The following ZNF791 variants were observed in gnomAD, a reference collection of about 807,000 sequenced individuals.
ZNF791 encodes the protein zinc finger protein 791.
A neutral mutation model predicts 11.5 loss-of-function variants in ZNF791; 4 were observed. That is an observed-to-expected ratio of 0.35 (90% CI 0.17 to 0.80). ZNF791 has a LOEUF of 0.80. Ranked by LOEUF, ZNF791 falls within the 30% of genes least tolerant of loss-of-function variation. The probability of loss-of-function intolerance (pLI) is 0.53; values close to 1 mark genes in which losing one functional copy is unlikely to be tolerated. For synonymous variants in ZNF791, 212 were observed against 228.1 expected (o/e 0.93, Z 0.64); for missense variants, 559 against 699.4 (o/e 0.80, Z 2.26).
Position 12,630,931 on chromosome 19 carries a change from T to G in ZNF791, c.*1671T>G, listed in dbSNP as rs928400385. ...GTACAGTAAGTTAAGGTTTATTCAT[T>G]ATTGAGGAAAAAATGTTTTTATGAA... is the stretch of plus-strand genomic sequence containing the variant. On this transcript the variant is annotated 3_prime_UTR_variant, in exon 4 of 4. Coordinates refer to ENST00000343325, the MANE Select transcript of ZNF791 (RefSeq NM_153358.3). 1 of 152,220 alleles carries G rather than the reference T, an allele frequency of 6.6e-6. No homozygotes were observed. Among genetic ancestry groups the G allele is most frequent in the Non-Finnish European group, 1.5e-5 (1 of 68,046 alleles). The allele number at this position is 152,220 out of a possible 1,614,324, so 9.4% of individuals were successfully genotyped here. A position where few individuals can be genotyped will look rare whatever the true frequency, so the allele number is the denominator to read the frequency against.
At chr19:12,617,913 CTTTT>C (rs958944041) in intron 1 of ZNF791, among the ~76,000 whole-genome samples, 7 of 94,740 alleles carry the variant, frequency 7.4e-5, no homozygotes, top group South Asian at 6.8e-4. Context: ...CTAAATTTTG[CTTTT>C]TTTTTTTTTT....
rs537227575 is a variant in ZNF791 at position 12,613,427 on chromosome 19, A to G, written c.3+2345A>G. Reference sequence around the variant, plus strand: ...AAACCCCGTCTCTACTAAAAATACAAAAAATTAGCTGGGCGTGGAGGCGGG... The same window carrying G: ...AAACCCCGTCTCTACTAAAAATACAGAAAATTAGCTGGGCGTGGAGGCGGG... On this transcript the variant is annotated intron_variant, in intron 1 of 3. Transcript: ENST00000343325. Among the ~76,000 whole-genome samples the G allele has an allele frequency of 1.8e-4, 28 of 152,146 alleles. No individual in the cohort carries two copies. The East Asian group carries it at 5.3e-3, about 29-fold the overall frequency.
chr19:12,621,720 GGGGT>G (rs2023349232), intron 1 of ZNF791, among the ~76,000 whole-genome samples: 1 of 100,140 alleles, frequency 1.0e-5, no homozygotes, highest in Non-Finnish European at 2.3e-5. Context: ...ACCTCGGTGG[GGGGT>G]CAGCCCCCCT....
rs941383344 is a variant in ZNF791 at position 12,627,784 on chromosome 19, T to G, written c.255T>G (p.Ser85Arg). ...GTAGTCAATGTGCAGAAAACTTCAG[T>G]CCCAATCTCAGTGTGACGAAGAAGA... ...KEGSQCAENF[S>R]PNLSVTKKTA... The change falls in exon 4 of 4, where the codon AGT (serine) becomes AGG (arginine). Residue 85 changes from serine to arginine, a missense_variant. Transcript: ENST00000343325. 42 of 1,614,170 alleles carry G rather than the reference T, an allele frequency of 2.6e-5. No homozygotes were observed. Among genetic ancestry groups the G allele is most frequent in the Non-Finnish European group, 3.5e-5 (41 of 1,180,020 alleles).
At chr19:12,625,875 C>T (rs919761427) in intron 3 of ZNF791, among the ~76,000 whole-genome samples, 2 of 151,658 alleles carry the variant, frequency 1.3e-5, no homozygotes, top group South Asian at 2.1e-4. Context: ...AACAGAGTCT[C>T]GCTCTGTCAC....
At chr19:12,623,047 C>T (rs2023378071) in intron 1 of ZNF791, among the ~76,000 whole-genome samples, 1 of 152,012 alleles carries the variant, frequency 6.6e-6, no homozygotes, top group Non-Finnish European at 1.5e-5. Flanking sequence ...TGCACTTGAG[C>T]CTAGGTGACA....
At chr19:12,626,012 T>TTTTTG (rs762660325) in intron 3 of ZNF791, among the ~76,000 whole-genome samples, 6 of 151,348 alleles carry the variant, frequency 4.0e-5, no homozygotes, top group South Asian at 2.1e-4. Flanking sequence ...ACTGGGTTAA[T>TTTTTG]TTTTGTTTTG....
rs777267674 is a variant in ZNF791 at position 12,628,685 on chromosome 19, T to A, written c.1156T>A (p.Cys386Ser). The change falls in exon 4 of 4, where the codon TGT becomes AGT. Residue 386 changes from cysteine (C) to serine (S), a missense_variant. By Grantham distance (112) the Cys-to-Ser change is moderately radical. Coordinates refer to ENST00000343325, the MANE Select transcript of ZNF791 (RefSeq NM_153358.3). Reference sequence around the variant, plus strand: ...TCACACTGGAGAGAAACCCTACGAATGTAAAAAATGTGGGAAAACTTTCAA... The same window carrying A: ...TCACACTGGAGAGAAACCCTACGAAAGTAAAAAATGTGGGAAAACTTTCAA... ...RTHTGEKPYE[C>S]KKCGKTFNYP... 6.2e-7 allele frequency: 1 copy of A among 1,601,206 alleles called. No homozygotes were observed. The highest frequency in any genetic ancestry group is 1.1e-5 in the South Asian group (1 of 88,990).
At chr19:12,624,402 C>T (rs2023397886) in intron 2 of ZNF791, among the ~76,000 whole-genome samples, 1 of 151,532 alleles carries the variant, frequency 6.6e-6, no homozygotes, top group South Asian at 2.1e-4. Flanking sequence ...ATCCACCCGC[C>T]TCAGCCTCCC....
At position 12,629,053 on chromosome 19, in the gene ZNF791, C is replaced by T. The variant is rs1462305950; in HGVS notation, c.1524C>T (p.Pro508=). The T allele has an allele frequency of 1.2e-6, 2 of 1,610,924 alleles. No individual in the cohort carries two copies. Among genetic ancestry groups the T allele is most frequent in the Admixed American group, 1.7e-5 (1 of 59,252 alleles). ...CKECGKAFIY[P]TSFQGHMRMH... ...AATGCGGGAAGGCCTTTATTTATCC[C>T]ACAAGCTTTCAAGGACACATGAGAA... The change falls in exon 4 of 4, where the codon CCC becomes CCT. Residue 508 remains proline (P), a synonymous_variant. Coordinates refer to ENST00000343325, the MANE Select transcript of ZNF791 (RefSeq NM_153358.3).
At chr19:12,621,922 A>AGGTGGGGG (rs2023355728) in intron 1 of ZNF791, among the ~76,000 whole-genome samples, 1 of 109,636 alleles carries the variant, frequency 9.1e-6, no homozygotes, top group African/African-American at 3.6e-5. Flanking sequence ...AAGGCGGGAA[A>AGGTGGGGG]AGTGGGGAAA....
At chr19:12,619,997 C>T (rs1044111052) in intron 1 of ZNF791, among the ~76,000 whole-genome samples, 8 of 151,802 alleles carry the variant, frequency 5.3e-5, no homozygotes, top group Non-Finnish European at 1.5e-5. Context: ...GATCTCGGCT[C>T]ACTGCAAGCT....
chr19:12,628,277 G>A lies in ZNF791; in HGVS notation c.748G>A (p.Gly250Arg), dbSNP rs2023456957. The A allele has an allele frequency of 6.2e-7, 1 of 1,613,778 alleles. No individual in the cohort carries two copies. Among genetic ancestry groups the A allele is most frequent in the Non-Finnish European group, 8.5e-7 (1 of 1,179,894 alleles). The change falls in exon 4 of 4, where the codon GGG (glycine) becomes AGG (arginine). Residue 250 changes from glycine (G) to arginine (R), a missense_variant. Coordinates refer to ENST00000343325, the MANE Select transcript of ZNF791 (RefSeq NM_153358.3). The stretch of plus-strand genomic sequence containing the variant: ...GAAACCCTATGCATGTAAGGAATGT[G>A]GGAAAGCCTTCATTTCCCACACAAG... ...GEKPYACKEC[G>R]KAFISHTSVL...
At position 12,628,845 on chromosome 19, in the gene ZNF791, C is replaced by G; in HGVS notation, c.1316C>G (p.Pro439Arg). 1 of 1,613,924 alleles carries G rather than the reference C, an allele frequency of 6.2e-7. No homozygotes were observed. Among genetic ancestry groups the G allele is most frequent in the Non-Finnish European group, 8.5e-7 (1 of 1,180,002 alleles). Reference protein sequence around the residue: ...RHMITHTGDGPYKCRDCGKVF... With the variant: ...RHMITHTGDGRYKCRDCGKVF... ...ATGATCACCCACACTGGAGACGGACCTTATAAATGTAGGGACTGTGGGAAG... is the reference window on the plus strand; with the variant it reads ...ATGATCACCCACACTGGAGACGGACGTTATAAATGTAGGGACTGTGGGAAG... The change falls in exon 4 of 4, where the codon CCT becomes CGT. Residue 439 changes from proline (P) to arginine (R), a missense_variant. Transcript: ENST00000343325.
chr19:12,616,953 A>G lies in ZNF791; in HGVS notation c.3+5871A>G, dbSNP rs553532204. 2.7e-3 allele frequency among the ~76,000 whole-genome samples: 418 copies of G among 152,326 alleles called. 1 individual carries two copies. Among genetic ancestry groups the G allele is most frequent in the Non-Finnish European group, 4.6e-3 (314 of 68,032 alleles). On this transcript the variant is annotated intron_variant, in intron 1 of 3. Transcript: ENST00000343325. ...AGTTTTGCATGTTACATTTACATCT[A>G]TGATCGATTTGGGCTTAATTTTTGT...
intron 1 of ZNF791, among the ~76,000 whole-genome samples, chr19:12,618,918 G>A (rs1031131833): frequency 4.0e-5 from 6 of 150,314 alleles, no homozygotes; most frequent in Admixed American, 6.7e-5. Flanking sequence ...TGTGATCTCA[G>A]CTCACTGCAA....
At chr19:12,615,929 A>G (rs1011575746) in intron 1 of ZNF791, among the ~76,000 whole-genome samples, 6 of 152,150 alleles carry the variant, frequency 3.9e-5, no homozygotes, top group Admixed American at 1.3e-4. Flanking sequence ...GTATTTTTCA[A>G]CTCATGTGAG....
At chr19:12,623,874 G>GGGGT in intron 2 of ZNF791, 48 bp downstream of exon 2, 1 of 948,384 alleles carries the variant, frequency 1.1e-6, no homozygotes. Context: ...TTTTTTTGGG[G>GGGGT]GGGGACAGAG....
intron 1 of ZNF791, among the ~76,000 whole-genome samples, chr19:12,611,526 A>C (rs1311416090): frequency 4.6e-5 from 7 of 152,080 alleles, no homozygotes; most frequent in Non-Finnish European, 8.8e-5. Flanking sequence ...CGAATTCCCA[A>C]ACGCCTACTT....
Sources: allele counts gnomAD v4.1 joint callset (sites outside exome capture counted in the v4.1 genomes callset), GRCh38; gene constraint gnomAD v4.1.1; transcripts MANE v1.5; gene names NCBI Gene and HGNC (gene_info 2026-07-23, HGNC 2026-07-21).